The following LARP1B variants were observed in gnomAD, a reference collection of about 807,000 sequenced individuals.
LARP1B encodes la-related protein 1B.
A neutral mutation model predicts 114.2 loss-of-function variants in LARP1B; 76 were observed. That is an observed-to-expected ratio of 0.67 (90% CI 0.55 to 0.81). The LOEUF is 0.81. Ranked by LOEUF, LARP1B falls within the 30% of genes least tolerant of loss-of-function variation. The pLI is 0.00. For synonymous variants in LARP1B, 345 were observed against 348.0 expected (o/e 0.99, Z 0.10); for missense variants, 1,014 against 1,075.8 (o/e 0.94, Z 0.80).
downstream of LARP1B, among the ~76,000 whole-genome samples, chr4:128,214,160 G>A (rs568248924): frequency 2.2e-4 from 31 of 139,114 alleles, no homozygotes; most frequent in East Asian, 4.9e-3. Flanking sequence ...CTACGCCCAC[G>A]GAATCTCGCT....
At chr4:128,171,262 C>T (rs1040044545) in intron 12 of LARP1B, among the ~76,000 whole-genome samples, 1 of 151,890 alleles carries the variant, frequency 6.6e-6, no homozygotes, top group African/African-American at 2.4e-5. Context: ...CCGAGTAGGT[C>T]GGACTACAGG....
Position 128,206,434 on chromosome 4 carries a change from G to A in LARP1B, c.2316G>A (p.Gly772=), listed in dbSNP as rs373102914. ...WEDAKENYRY[G]LECLFRFYSY... ...TTTTATTTTCTCTTTATAGGTATGG[G>A]TTAGAATGTCTGTTCAGGTTTTATA... The change falls in exon 18 of 20, where the codon GGG becomes GGA. Residue 772 remains glycine (G), a synonymous_variant. Transcript: ENST00000326639. The A allele has an allele frequency of 4.4e-6, 7 of 1,593,420 alleles. No individual in the cohort carries two copies. The highest frequency in any genetic ancestry group is 1.3e-5 in the African/African-American group (1 of 74,142).
At chr4:128,149,063 T>C (rs1040477944) in intron 11 of LARP1B, among the ~76,000 whole-genome samples, 1 of 152,264 alleles carries the variant, frequency 6.6e-6, no homozygotes. Context: ...ATTATCGAAA[T>C]GTATTCATCC....
chr4:128,108,335 G>A, intron 9 of LARP1B: 10 of 1,000,618 alleles, frequency 1.0e-5, no homozygotes, highest in Non-Finnish European at 9.5e-6. Flanking sequence ...TTTGCTATTC[G>A]ATTTGCCTTT....
chr4:128,070,593 G>A (rs1467560795), intron 1 of LARP1B, among the ~76,000 whole-genome samples: 2 of 152,136 alleles, frequency 1.3e-5, no homozygotes, highest in African/African-American at 2.4e-5. Context: ...CCCGGGAGGC[G>A]GAGGTTGCAC....
chr4:128,127,225 G>T (rs1368646316), intron 11 of LARP1B, among the ~76,000 whole-genome samples: 1 of 149,284 alleles, frequency 6.7e-6, no homozygotes, highest in Non-Finnish European at 1.5e-5. Context: ...GAATAAAAGT[G>T]ATTTTACCTA....
chr4:128,176,816 TA>T, intron 12 of LARP1B, 55 bp from the exon 13 acceptor site: 1 of 1,494,322 alleles, frequency 6.7e-7, no homozygotes, highest in Non-Finnish European at 9.3e-7. Context: ...AATGAAACAA[TA>T]AATGGATAAA....
At chr4:128,103,893 T>G (rs867061256) in intron 8 of LARP1B, among the ~76,000 whole-genome samples, 3 of 151,628 alleles carry the variant, frequency 2.0e-5, no homozygotes, top group African/African-American at 7.3e-5. Flanking sequence ...AAAAAACATG[T>G]GTTGGAAGAG....
At chr4:128,144,107 TC>T (rs1455648486) in intron 11 of LARP1B, among the ~76,000 whole-genome samples, 2 of 151,700 alleles carry the variant, frequency 1.3e-5, no homozygotes, top group Non-Finnish European at 2.9e-5. Context: ...GCCAGTAGCA[TC>T]CCCCCACCCC....
chr4:128,167,947 T>C (rs1741861226), intron 12 of LARP1B, among the ~76,000 whole-genome samples: 1 of 152,138 alleles, frequency 6.6e-6, no homozygotes, highest in South Asian at 2.1e-4. Flanking sequence ...TTCATGCTTT[T>C]GTGTGTATTA....
intron 1 of LARP1B, among the ~76,000 whole-genome samples, chr4:128,067,615 C>A (rs1763500623): frequency 6.6e-6 from 1 of 152,124 alleles, no homozygotes; most frequent in Non-Finnish European, 1.5e-5. Flanking sequence ...GCTGCCCACC[C>A]AAGAGGCCTT....
intron 15 of LARP1B, among the ~76,000 whole-genome samples, chr4:128,197,408 T>G (rs964960439): frequency 1.3e-5 from 2 of 152,206 alleles, no homozygotes; most frequent in African/African-American, 2.4e-5. Context: ...AACTCATTTT[T>G]TTATCAGCTG....
intron 10 of LARP1B, among the ~76,000 whole-genome samples, chr4:128,121,296 A>G (rs960482846): frequency 2.0e-5 from 3 of 152,206 alleles, no homozygotes; most frequent in Admixed American, 6.5e-5. Context: ...CCTTGATTCT[A>G]TCTATCTGTC....
At chr4:128,195,747 T>C (rs1363556003) in intron 15 of LARP1B, among the ~76,000 whole-genome samples, 3 of 152,130 alleles carry the variant, frequency 2.0e-5, no homozygotes, top group African/African-American at 7.2e-5. Flanking sequence ...CTTTATACTT[T>C]AAGGAACTAG....
chr4:128,220,396 AGAT>A (rs1291761978), exon 7 of LARP1B: 1 of 954,458 alleles, frequency 1.0e-6, no homozygotes, highest in East Asian at 1.1e-4. Context: ...TATCACCATG[AGAT>A]GGCAAAACGG....
chr4:128,176,112 A>G (rs145875563), intron 12 of LARP1B, among the ~76,000 whole-genome samples: 3,761 of 144,308 alleles, frequency 0.026, 151 homozygotes, highest in African/African-American at 0.091. Flanking sequence ...ATATACACAC[A>G]TATATATACA....
chr4:128,089,295 A>G (rs1407762121), intron 5 of LARP1B, among the ~76,000 whole-genome samples: 1 of 152,158 alleles, frequency 6.6e-6, no homozygotes, highest in Non-Finnish European at 1.5e-5. Context: ...TTGATTTTCA[A>G]AGTAGATATA....
intron 12 of LARP1B, among the ~76,000 whole-genome samples, chr4:128,167,071 C>T (rs1741428838): frequency 6.6e-6 from 1 of 151,018 alleles, no homozygotes; most frequent in Non-Finnish European, 1.5e-5. Flanking sequence ...TATACACACA[C>T]ACACACATCA....
At chr4:128,171,586 CCGTTTAT>C (rs1743769162) in intron 12 of LARP1B, among the ~76,000 whole-genome samples, 1 of 152,248 alleles carries the variant, frequency 6.6e-6, no homozygotes, top group African/African-American at 2.4e-5. Context: ...TGGACCTTTA[CCGTTTAT>C]CTTGCTGTTC....
Sources: gnomAD v4.1 joint callset for allele counts (sites outside exome capture counted in the v4.1 genomes callset) on GRCh38, gnomAD v4.1.1 for gene constraint, MANE v1.5 for transcripts, NCBI Gene and HGNC (gene_info 2026-07-23, HGNC 2026-07-21) for gene names.